CPM: variants seen among roughly 807,000 people sequenced by gnomAD.
The protein encoded by CPM is carboxypeptidase M.
Under a neutral mutation model 46.4 loss-of-function variants are expected in CPM, and 35 were observed. The observed-to-expected ratio is 0.75, with a 90% CI of 0.58 to 1.00. CPM has a LOEUF of 1.00. Ranked by LOEUF, CPM falls within the 50% of genes least tolerant of loss-of-function variation. The pLI, the probability that CPM is intolerant of heterozygous loss-of-function variation, is 0.00. For synonymous variants in CPM, 195 were observed against 195.3 expected (o/e 1.00, Z 0.01); for missense variants, 422 against 530.4 (o/e 0.80, Z 2.01).
intron 1 of CPM, among the ~76,000 whole-genome samples, chr12:68,950,829 T>A (rs1565809944): frequency 6.6e-6 from 1 of 152,192 alleles, no homozygotes; most frequent in South Asian, 2.1e-4. Context: ...TGGGTTCCAG[T>A]CTGTCTGGAG....
upstream of CPM, among the ~76,000 whole-genome samples, chr12:68,934,902 T>A (rs114077039): frequency 4.4e-3 from 665 of 152,288 alleles, 5 homozygotes; most frequent in African/African-American, 0.015. Flanking sequence ...ATTTTTTTTT[T>A]AATTTTTTAT....
rs145795577 is a variant in CPM, at chr12:68,866,457, C to T, written c.940+439G>A. Among the ~76,000 whole-genome samples, 209 of 152,288 alleles carry T rather than the reference C, an allele frequency of 1.4e-3. 1 individual carries two copies. Among genetic ancestry groups the T allele is most frequent in the Middle Eastern group, 3.4e-3 (1 of 294 alleles). On this transcript the variant is annotated intron_variant, in intron 7 of 8. Coordinates refer to ENST00000551568, the MANE Select transcript of CPM (RefSeq NM_198320.5). ...CTCCCGGGTTCAAGTGATTCTCCTG[C>T]CTCAGCCTCCCAAGTAACTGGGACT... is the stretch of plus-strand genomic sequence containing the variant.
chr12:68,865,863 T>C (rs1180568688), intron 7 of CPM, among the ~76,000 whole-genome samples: 1 of 152,160 alleles, frequency 6.6e-6, no homozygotes, highest in East Asian at 1.9e-4. Context: ...AATGGCTTTC[T>C]AAGTATAGCC....
rs1172259219 is a variant in CPM, at chr12:68,854,327, A to G, written c.*2110T>C. On this transcript the variant is annotated 3_prime_UTR_variant, in exon 9 of 9. Transcript: ENST00000551568. Reference sequence around the variant, plus strand: ...ACCTACTATGTGCTAGGCTTTGAGGATATAACAATGAATTTTTCAAACAAA... The same window carrying G: ...ACCTACTATGTGCTAGGCTTTGAGGGTATAACAATGAATTTTTCAAACAAA... The G allele has an allele frequency of 2.0e-5, 3 of 152,218 alleles. No individual in the cohort carries two copies. The allele number at this position is 152,218 out of a possible 1,614,324, so 9.4% of individuals were successfully genotyped here. A position where few individuals can be genotyped will look rare whatever the true frequency, so the allele number is the denominator to read the frequency against.
intron 2 of CPM, among the ~76,000 whole-genome samples, chr12:68,906,495 G>GT (rs11405459): frequency 0.15 from 22,937 of 148,376 alleles, 2,120 homozygotes; most frequent in African/African-American, 0.26. Flanking sequence ...TGTAGATTTT[G>GT]TTTTTTTTTT....
intron 2 of CPM, among the ~76,000 whole-genome samples, chr12:68,895,595 T>A (rs146286901): frequency 1.6e-3 from 250 of 152,348 alleles, no homozygotes; most frequent in African/African-American, 5.8e-3. Context: ...GTGTTCATTA[T>A]ACTTATTGCT....
intron 1 of CPM, among the ~76,000 whole-genome samples, chr12:68,939,829 A>T (rs1387560120): frequency 6.6e-6 from 1 of 152,158 alleles, no homozygotes; most frequent in Non-Finnish European, 1.5e-5. Context: ...TATCTCTTTT[A>T]AAAATGTTTG....
chr12:68,856,753 T>C, intron 8 of CPM, 74 bp from the exon 9 acceptor site: 1 of 1,548,650 alleles, frequency 6.5e-7, no homozygotes, highest in Non-Finnish European at 8.8e-7. Context: ...AACACTGATA[T>C]CCATCACTAA....
rs1884833488 is a variant in CPM, at chr12:68,853,745, GAGGGA to G, written c.*2687_*2691del. The G allele has an allele frequency of 6.6e-6, 1 of 151,700 alleles. No individual in the cohort carries two copies. The highest frequency in any genetic ancestry group is 1.5e-5 in the Non-Finnish European group (1 of 67,936). 9.4% of individuals were successfully genotyped at this position (151,700 alleles called of 1,614,324 possible). The stretch of plus-strand genomic sequence containing the variant: ...AAAAGAGAAAGAAGGATGGGAAGGG[GAGGGA>G]AGGGGAGGGGAGCGGAGGAAAGAAG... On this transcript the variant is annotated 3_prime_UTR_variant, in exon 9 of 9. Transcript: ENST00000551568.
chr12:68,872,738 ATT>A (rs57880816), intron 3 of CPM, among the ~76,000 whole-genome samples: 8 of 146,662 alleles, frequency 5.5e-5, no homozygotes, highest in South Asian at 2.1e-4. Flanking sequence ...CACATTGTAG[ATT>A]TTTTTTTTTT....
At chr12:68,848,217 C>T (rs1255303614), downstream of CPM, 1 of 152,240 alleles carries the variant, frequency 6.6e-6, no homozygotes, top group African/African-American at 2.4e-5. Flanking sequence ...GCGTCTTGCT[C>T]TGTTGCCCAG....
intron 2 of CPM, among the ~76,000 whole-genome samples, chr12:68,927,674 CT>C (rs1888327153): frequency 6.6e-6 from 1 of 152,168 alleles, no homozygotes; most frequent in Non-Finnish European, 1.5e-5. Flanking sequence ...CCTAGGTTTT[CT>C]TCTAGGGTTT....
intron 2 of CPM, among the ~76,000 whole-genome samples, chr12:68,929,120 A>C (rs1327577446): frequency 6.6e-6 from 1 of 152,050 alleles, no homozygotes; most frequent in East Asian, 1.9e-4. Context: ...TCAACCCTCA[A>C]CACAAGGGTT....
intron 1 of CPM, among the ~76,000 whole-genome samples, chr12:68,956,194 A>G (rs1007649936): frequency 6.6e-6 from 1 of 152,170 alleles, no homozygotes; most frequent in Non-Finnish European, 1.5e-5. Flanking sequence ...TCATGTCAGC[A>G]CCCAGGTTTG....
At chr12:68,959,738 A>ACCTT (rs1889081232) in intron 1 of CPM, among the ~76,000 whole-genome samples, 1 of 152,176 alleles carries the variant, frequency 6.6e-6, no homozygotes, top group Non-Finnish European at 1.5e-5. Flanking sequence ...TTGCCTTAGG[A>ACCTT]ATAAGGAAGA....
At position 68,943,708 on chromosome 12, in the gene CPM, C is replaced by T. The variant is rs116229122; in HGVS notation, c.-3-10868G>A. Among the ~76,000 whole-genome samples, 1,176 of 152,278 alleles carry T rather than the reference C, an allele frequency of 7.7e-3. 24 individuals carry two copies. Among genetic ancestry groups the T allele is most frequent in the African/African-American group, 0.026 (1,100 of 41,550 alleles). On this transcript the variant is annotated intron_variant, in intron 1 of 8. Transcript: ENST00000546373. ...ATAAGGCCGATTTCCAAAGCAAAGACAGTCCTATTTAGCTGCATTTAATCT... is the reference window on the plus strand; with the variant it reads ...ATAAGGCCGATTTCCAAAGCAAAGATAGTCCTATTTAGCTGCATTTAATCT...
chr12:68,945,605 G>A (rs558034364), intron 1 of CPM, among the ~76,000 whole-genome samples: 1 of 152,230 alleles, frequency 6.6e-6, no homozygotes, highest in South Asian at 2.1e-4. Context: ...CCCAATGTTG[G>A]TATAACAAAA....
intron 5 of CPM, chr12:68,843,592 G>A: frequency 4.4e-6 from 1 of 226,534 alleles, no homozygotes; most frequent in African/African-American, 2.2e-5. Context: ...TATGTGAATT[G>A]TATATACTTA....
chr12:68,957,689 G>A (rs1889045460), intron 1 of CPM: 1 of 151,640 alleles, frequency 6.6e-6, no homozygotes, highest in African/African-American at 2.4e-5. Flanking sequence ...CTAAAAAGGG[G>A]ATTATTATTA....
Sources: gnomAD v4.1 joint callset for allele counts (sites outside exome capture counted in the v4.1 genomes callset) on GRCh38, gnomAD v4.1.1 for gene constraint, MANE v1.5 for transcripts, NCBI Gene and HGNC (gene_info 2026-07-23, HGNC 2026-07-21) for gene names.